TERF1: variants seen among roughly 807,000 people sequenced by gnomAD.
The protein encoded by TERF1 is telomeric repeat binding factor 1.
TERF1 carries 20 observed loss-of-function variants against 55.1 expected under a neutral mutation model. The observed-to-expected ratio is 0.36, with a 90% confidence interval of 0.26 to 0.53. The LOEUF is 0.53. Ranked by LOEUF, TERF1 falls within the 20% of genes least tolerant of loss-of-function variation. The pLI, the probability that TERF1 is intolerant of heterozygous loss-of-function variation, is 0.91. For synonymous variants in TERF1, 168 were observed against 181.2 expected (o/e 0.93, Z 0.59); for missense variants, 439 against 535.7 (o/e 0.82, Z 1.78).
intron 8 of TERF1, among the ~76,000 whole-genome samples, chr8:73,037,899 TATA>T (rs1809665279): frequency 8.1e-6 from 1 of 123,402 alleles, no homozygotes; most frequent in African/African-American, 3.1e-5. Context: ...ATATAATATA[TATA>T]AATATGATAT....
At chr8:73,014,856 C>G (rs1373620013) in intron 2 of TERF1, among the ~76,000 whole-genome samples, 1 of 152,052 alleles carries the variant, frequency 6.6e-6, no homozygotes, top group East Asian at 1.9e-4. Context: ...GTGCCAGGAC[C>G]ATAAATGGAT....
chr8:73,021,780 T>C (rs549024737), intron 3 of TERF1, among the ~76,000 whole-genome samples: 25 of 152,298 alleles, frequency 1.6e-4, no homozygotes, highest in Admixed American at 1.3e-3. Context: ...AACATCTAGC[T>C]TCTTAGGTGT....
chr8:73,010,331 C>T (rs760840795), intron 1 of TERF1: 1 of 152,124 alleles, frequency 6.6e-6, no homozygotes, highest in African/African-American at 2.4e-5. Flanking sequence ...GCGGTTAACA[C>T]TGGAGCCAGG....
intron 8 of TERF1, among the ~76,000 whole-genome samples, chr8:73,032,576 A>AATAT (rs138668441): frequency 0.031 from 4,686 of 149,812 alleles, 84 homozygotes; most frequent in Middle Eastern, 0.13. Flanking sequence ...TTTCTATATG[A>AATAT]ATATATATAT....
At chr8:73,029,407 T>C (rs1809179255) in intron 6 of TERF1, among the ~76,000 whole-genome samples, 1 of 151,994 alleles carries the variant, frequency 6.6e-6, no homozygotes, top group Admixed American at 6.6e-5. Context: ...GGAGGATCAC[T>C]TGAGCCCAGG....
At chr8:73,033,637 G>A (rs1809390520) in intron 8 of TERF1, among the ~76,000 whole-genome samples, 1 of 152,242 alleles carries the variant, frequency 6.6e-6, no homozygotes, top group Non-Finnish European at 1.5e-5. Context: ...AGGAGGCTGA[G>A]GCACGAGAAT....
chr8:73,014,803 T>G (rs534481371), intron 2 of TERF1, among the ~76,000 whole-genome samples: 3 of 152,356 alleles, frequency 2.0e-5, no homozygotes, highest in Admixed American at 2.0e-4. Flanking sequence ...CTCTGGCTGA[T>G]GTAGTCTGCT....
chr8:73,042,851 A>G (rs6996892), intron 9 of TERF1: 1 of 151,876 alleles, frequency 6.6e-6, no homozygotes, highest in Non-Finnish European at 1.5e-5. Context: ...GGGGTTGTTA[A>G]GATTTTGTAT....
At chr8:73,038,471 G>A (rs907272387) in intron 8 of TERF1, among the ~76,000 whole-genome samples, 9 of 151,594 alleles carry the variant, frequency 5.9e-5, no homozygotes, top group African/African-American at 2.2e-4. Flanking sequence ...AAAAAAAAAA[G>A]TTACCTCTAA....
In TERF1 at chr8:73,013,875, T is replaced by A. The variant is rs781634951; in HGVS notation, c.320-20T>A. The A allele has an allele frequency of 1.5e-5, 23 of 1,545,552 alleles. No homozygotes were observed. In the South Asian group the frequency reaches 2.6e-4, roughly 17 times the overall value. ...GGATCAAGTTTGATTTTAATAAAAT[T>A]TACTTTTTTTCTTTTTTAGCTATTA... On this transcript the variant is annotated intron_variant, in intron 1 of 9. Transcript: ENST00000276603.
chr8:73,047,246 T>C lies in TERF1; in HGVS notation c.*1109T>C, dbSNP rs1326603487. On this transcript the variant is annotated 3_prime_UTR_variant, in exon 10 of 10. Transcript: ENST00000276603. ...ATTACCCATGGGACAAAATTTGTACTATTAGCAAGAATCATTTTGTGTCTC... is the reference window on the plus strand; with the variant it reads ...ATTACCCATGGGACAAAATTTGTACCATTAGCAAGAATCATTTTGTGTCTC... 1.3e-5 allele frequency: 2 copies of C among 152,320 alleles called. No homozygotes were observed. Among genetic ancestry groups the C allele is most frequent in the East Asian group, 3.9e-4 (2 of 5,178 alleles). 9.4% of individuals were successfully genotyped at this position (152,320 alleles called of 1,614,324 possible).
rs1379813083 is a variant in TERF1 at position 73,037,601 on chromosome 8, A to G, written c.1040-1515A>G. ...TTATATATAATATATATAACATATCATAAATTTATTATATATATTATATAT... is the reference window on the plus strand; with the variant it reads ...TTATATATAATATATATAACATATCGTAAATTTATTATATATATTATATAT... On this transcript the variant is annotated intron_variant, in intron 8 of 9. Coordinates refer to ENST00000276603, the MANE Select transcript of TERF1 (RefSeq NM_017489.3). Among the ~76,000 whole-genome samples the G allele has an allele frequency of 3.9e-3, 414 of 106,962 alleles. 3 individuals are homozygous for G. Among genetic ancestry groups the G allele is most frequent in the African/African-American group, 0.015 (402 of 27,180 alleles). 70.2% of individuals were successfully genotyped at this position (106,962 alleles called of 152,430 possible).
Position 73,008,935 on chromosome 8 carries a change from G to A in TERF1, c.49G>A (p.Asp17Asn), listed in dbSNP as rs571219353. 6.2e-6 allele frequency: 10 copies of A among 1,612,760 alleles called. No homozygotes were observed. Among genetic ancestry groups the A allele is most frequent in the South Asian group, 4.4e-5 (4 of 90,778 alleles). Residue 17 changes from aspartate to asparagine, a missense_variant, in exon 1 of 10, where the codon GAT becomes AAT. Coordinates refer to ENST00000276603, the MANE Select transcript of TERF1 (RefSeq NM_017489.3). Reference protein sequence around the residue: ...SAAPSPRGCADGRDADPTEEQ... With the variant: ...SAAPSPRGCANGRDADPTEEQ... ...GGCCCCGAGCCCGCGGGGCTGTGCG[G>A]ATGGTAGGGATGCCGACCCTACTGA...
chr8:73,040,483 A>G (rs1162083549), intron 9 of TERF1, among the ~76,000 whole-genome samples: 2 of 152,186 alleles, frequency 1.3e-5, no homozygotes, highest in Non-Finnish European at 2.9e-5. Context: ...CCAAAGGAGA[A>G]GAGGGAAATG....
chr8:73,035,225 A>G (rs749654070), intron 8 of TERF1, among the ~76,000 whole-genome samples: 5 of 151,894 alleles, frequency 3.3e-5, no homozygotes, highest in South Asian at 4.1e-4. Flanking sequence ...CCAATCCCCA[A>G]ATTTTCTTGG....
In TERF1 at chr8:73,039,167, T is replaced by C. The variant is rs1264881321; in HGVS notation, c.1091T>C (p.Val364Ala). Residue 364 changes from valine (V) to alanine (A), a missense_variant, in exon 9 of 10, where the codon GTT (valine) becomes GCT (alanine). This residue lies in a region of TERF1 where 140 missense variants were observed against 158.6 expected (regional missense o/e 0.88). Transcript: ENST00000276603. ...SRRATESRIP[V>A]SKSQPVTPEK... ...AGAGCCACTGAAAGCAGAATACCTG[T>C]TTCAAAGAGTCAGCCGGTAACTCCT... The C allele has an allele frequency of 4.4e-6, 7 of 1,606,180 alleles. No homozygotes were observed. The highest frequency in any genetic ancestry group is 5.9e-6 in the Non-Finnish European group (7 of 1,176,804).
chr8:73,018,612 G>T (rs186754514), intron 2 of TERF1, among the ~76,000 whole-genome samples: 1 of 152,198 alleles, frequency 6.6e-6, no homozygotes, highest in Non-Finnish European at 1.5e-5. Flanking sequence ...GGGGGCGGAG[G>T]TTGCAGTAAG....
intron 5 of TERF1, 63 bp from the exon 6 acceptor site, chr8:73,026,877 A>G (rs1159712333): frequency 1.6e-6 from 2 of 1,232,462 alleles, no homozygotes; most frequent in Non-Finnish European, 2.4e-6. Context: ...ATTTAATGCT[A>G]TTTGTTTAAA....
intron 6 of TERF1, among the ~76,000 whole-genome samples, chr8:73,029,173 A>C (rs1809167889): frequency 6.6e-6 from 1 of 152,214 alleles, no homozygotes; most frequent in Non-Finnish European, 1.5e-5. Context: ...GACAAATCCT[A>C]GAAAAATGGA....
Sources: gnomAD v4.1 joint callset for allele counts (sites outside exome capture counted in the v4.1 genomes callset) on GRCh38, gnomAD v4.1.1 for gene constraint, gnomAD v4.1.1 regional missense constraint, MANE v1.5 for transcripts, NCBI Gene and HGNC (gene_info 2026-07-23, HGNC 2026-07-21) for gene names.